Variants in MKLN1 observed in about 807,000 individuals in gnomAD.
MKLN1 encodes muskelin.
In MKLN1, 18 loss-of-function variants were observed where a neutral mutation model predicts 99.0. The ratio of observed to expected loss-of-function variants is 0.18; its 90% CI spans 0.13 to 0.27. The LOEUF is 0.27. Among genes scored for constraint, MKLN1 ranks in the 10% least tolerant of loss-of-function variants. MKLN1 has a pLI of 1.00. For missense variants in MKLN1, 621 were observed against 875.9 expected (o/e 0.71, Z 3.67); for synonymous variants, 288 against 293.2 (o/e 0.98, Z 0.18).
intron 3 of MKLN1, among the ~76,000 whole-genome samples, chr7:131,214,891 C>T (rs538141422): frequency 1.3e-5 from 2 of 152,186 alleles, no homozygotes; most frequent in Admixed American, 1.3e-4. Context: ...CAATGTTTTC[C>T]ATAAGAATAT....
In MKLN1 at chr7:131,262,933, T is replaced by G. The variant is rs551987145; in HGVS notation, c.-179+59959T>G. ...ATTTTTTTTTCATGACATTGATGTC[T>G]TGATGATTCTGGGGCAGTTGTTCTA... On this transcript the variant is annotated intron_variant, in intron 3 of 7. Transcript: ENST00000416992. Among the ~76,000 whole-genome samples, 6 of 152,272 alleles carry G rather than the reference T, an allele frequency of 3.9e-5. No individual in the cohort carries two copies. The South Asian group carries it at 8.3e-4, about 21-fold the overall frequency.
At chr7:131,374,144 T>C (rs1018779800) in intron 1 of MKLN1, among the ~76,000 whole-genome samples, 7 of 152,128 alleles carry the variant, frequency 4.6e-5, no homozygotes, top group African/African-American at 7.2e-5. Flanking sequence ...AAAAAACACT[T>C]TTTTTCTTGT....
intron 13 of MKLN1, among the ~76,000 whole-genome samples, chr7:131,463,650 C>G (rs528811698): frequency 1.3e-5 from 2 of 152,246 alleles, no homozygotes; most frequent in East Asian, 3.9e-4. Flanking sequence ...AACTTGAGAA[C>G]AGTGCTGTTT....
rs1037637829 is a variant in MKLN1 at position 131,445,943 on chromosome 7, A to G, written c.1525+40A>G. 5 of 1,432,188 alleles carry G rather than the reference A, an allele frequency of 3.5e-6. No homozygotes were observed. In the African/African-American group the frequency reaches 7.1e-5, roughly 20 times the overall value. 88.7% of individuals were successfully genotyped at this position (1,432,188 alleles called of 1,614,324 possible). ...TGATTTCTTCTCTCATGTCTTAACT[A>G]CTTTAGGTAGAAAACTGCAGTTCAT... On this transcript the variant is annotated intron_variant, in intron 12 of 17. Transcript: ENST00000352689.
chr7:131,159,518 G>A (rs1292140628), intron 2 of MKLN1, among the ~76,000 whole-genome samples: 3 of 152,070 alleles, frequency 2.0e-5, no homozygotes, highest in South Asian at 4.1e-4. Flanking sequence ...CTAAAAATGT[G>A]GATCTCATGG....
chr7:131,291,930 C>G (rs550379501), intron 3 of MKLN1, among the ~76,000 whole-genome samples: 1 of 152,132 alleles, frequency 6.6e-6, no homozygotes, highest in East Asian at 1.9e-4. Flanking sequence ...CATAGTGAGA[C>G]CCTGCCTCTA....
chr7:131,193,027 A>G (rs946832281), intron 2 of MKLN1, among the ~76,000 whole-genome samples: 1 of 152,200 alleles, frequency 6.6e-6, no homozygotes, highest in Admixed American at 6.5e-5. Context: ...GTATATAATA[A>G]AAAGTATTAA....
chr7:131,130,583 G>A (rs6947916), intron 1 of MKLN1, among the ~76,000 whole-genome samples: 64,820 of 152,044 alleles, frequency 0.43, 15,634 homozygotes, highest in Non-Finnish European at 0.56. Context: ...ATGTTAATAC[G>A]TAAGAAGATG....
chr7:131,437,021 G>C (rs1795693242), intron 9 of MKLN1, among the ~76,000 whole-genome samples: 1 of 151,846 alleles, frequency 6.6e-6, no homozygotes, highest in Non-Finnish European at 1.5e-5. Flanking sequence ...TTCCTTGCTA[G>C]GCTTGTATTT....
At chr7:131,199,033 A>T (rs1344566285) in intron 2 of MKLN1, among the ~76,000 whole-genome samples, 1 of 152,096 alleles carries the variant, frequency 6.6e-6, no homozygotes, top group Non-Finnish European at 1.5e-5. Flanking sequence ...ACTAATTAGA[A>T]TTCTCAGTCC....
intron 1 of MKLN1, among the ~76,000 whole-genome samples, chr7:131,333,466 GTTTTA>G (rs1799154974): frequency 6.6e-6 from 1 of 151,896 alleles, no homozygotes; most frequent in Non-Finnish European, 1.5e-5. Context: ...AGGCTTTGTG[GTTTTA>G]TTTTATTTTC....
chr7:131,330,136 G>T (rs1799027923), intron 1 of MKLN1, among the ~76,000 whole-genome samples: 1 of 152,162 alleles, frequency 6.6e-6, no homozygotes, highest in Admixed American at 6.5e-5. Flanking sequence ...AGCAAGCAAG[G>T]ATATTACTTC....
intron 1 of MKLN1, among the ~76,000 whole-genome samples, chr7:131,126,397 AAT>A (rs1268423119): frequency 6.6e-6 from 1 of 152,222 alleles, no homozygotes; most frequent in African/African-American, 2.4e-5. Context: ...TTAAGTGAAA[AAT>A]AGAGTCATTT....
chr7:131,256,755 C>T (rs1373611468), intron 3 of MKLN1, among the ~76,000 whole-genome samples: 1 of 152,010 alleles, frequency 6.6e-6, no homozygotes, highest in African/African-American at 2.4e-5. Context: ...ACACTGGGTA[C>T]ACATAGACAC....
At chr7:131,376,678 T>C (rs528266158) in intron 2 of MKLN1, among the ~76,000 whole-genome samples, 2 of 150,598 alleles carry the variant, frequency 1.3e-5, no homozygotes, top group South Asian at 2.1e-4. Context: ...ATAATTTTTA[T>C]ATATAATGTA....
At chr7:131,230,897 G>A (rs1157642123) in intron 3 of MKLN1, among the ~76,000 whole-genome samples, 1 of 151,954 alleles carries the variant, frequency 6.6e-6, no homozygotes, top group East Asian at 1.9e-4. Flanking sequence ...GAGGCAGATG[G>A]ATCACTTGAG....
intron 3 of MKLN1, among the ~76,000 whole-genome samples, chr7:131,304,209 A>C (rs1798421088): frequency 6.6e-6 from 1 of 152,184 alleles, no homozygotes; most frequent in Non-Finnish European, 1.5e-5. Flanking sequence ...CCCTGACTCT[A>C]CAAAAAAATA....
At chr7:131,148,919 A>G (rs989631024) in intron 2 of MKLN1, among the ~76,000 whole-genome samples, 1 of 152,192 alleles carries the variant, frequency 6.6e-6, no homozygotes, top group Non-Finnish European at 1.5e-5. Context: ...AATAATTACT[A>G]CTTATATTAA....
At chr7:131,231,784 A>G (rs939989484) in intron 3 of MKLN1, among the ~76,000 whole-genome samples, 6 of 152,202 alleles carry the variant, frequency 3.9e-5, no homozygotes, top group Non-Finnish European at 8.8e-5. Flanking sequence ...CTGCTCAGAG[A>G]AGGGGGAGGT....
Sources: allele counts gnomAD v4.1 joint callset (sites outside exome capture counted in the v4.1 genomes callset), GRCh38; gene constraint gnomAD v4.1.1; transcripts MANE v1.5; gene names NCBI Gene and HGNC (gene_info 2026-07-23, HGNC 2026-07-21).